Variants in LHFPL6 observed in about 807,000 individuals in gnomAD.
The protein encoded by LHFPL6 is LHFPL tetraspan subfamily member 6 protein.
A neutral mutation model predicts 20.6 loss-of-function variants in LHFPL6; 9 were observed. That is an observed-to-expected ratio of 0.44 (90% CI 0.26 to 0.76). The LOEUF (loss-of-function observed/expected upper bound fraction) is 0.76, where lower values mean the gene tolerates loss of function less well. Among genes scored for constraint, LHFPL6 ranks in the 30% least tolerant of loss-of-function variants. The pLI is 0.20. For missense variants in LHFPL6, 218 were observed against 253.5 expected (o/e 0.86, Z 0.95); for synonymous variants, 105 against 98.7 (o/e 1.06, Z -0.38).
At chr13:39,520,064 A>C (rs1403106173) in intron 2 of LHFPL6, among the ~76,000 whole-genome samples, 1 of 152,094 alleles carries the variant, frequency 6.6e-6, no homozygotes, top group Non-Finnish European at 1.5e-5. Flanking sequence ...GTTCTGATCC[A>C]CCCTCCATCT....
At chr13:39,472,026 G>A (rs576452457) in intron 2 of LHFPL6, among the ~76,000 whole-genome samples, 1 of 152,142 alleles carries the variant, frequency 6.6e-6, no homozygotes, top group African/African-American at 2.4e-5. Context: ...AAATACTCCA[G>A]ACAGGTATTC....
At chr13:39,382,259 T>C (rs1264822212) in intron 2 of LHFPL6, among the ~76,000 whole-genome samples, 2 of 152,230 alleles carry the variant, frequency 1.3e-5, no homozygotes, top group African/African-American at 2.4e-5. Flanking sequence ...GAACACTAGA[T>C]TGCCATCTTC....
chr13:39,352,081 T>G (rs779549545), intron 3 of LHFPL6, among the ~76,000 whole-genome samples: 1 of 152,234 alleles, frequency 6.6e-6, no homozygotes, highest in Non-Finnish European at 1.5e-5. Flanking sequence ...TTGCAAAGAC[T>G]TGACAGCCCC....
chr13:39,409,080 T>C (rs9576794), intron 2 of LHFPL6, among the ~76,000 whole-genome samples: 41,774 of 152,096 alleles, frequency 0.27, 6,072 homozygotes, highest in East Asian at 0.4. Flanking sequence ...CCTAAATCTA[T>C]GCGCCAAATG....
intron 2 of LHFPL6, among the ~76,000 whole-genome samples, chr13:39,420,091 A>C (rs1376202254): frequency 6.6e-6 from 1 of 152,158 alleles, no homozygotes. Context: ...CTAACAGGCA[A>C]GCCTCCTTCA....
At chr13:39,550,633 A>G (rs1362299465) in intron 2 of LHFPL6, among the ~76,000 whole-genome samples, 1 of 152,118 alleles carries the variant, frequency 6.6e-6, no homozygotes, top group East Asian at 1.9e-4. Flanking sequence ...TGTTTTGAAT[A>G]AACATAAGAG....
rs1311654915 is a variant in LHFPL6 at position 39,343,747 on chromosome 13, T to C, written c.*189A>G. 5.3e-6 allele frequency: 3 copies of C among 561,654 alleles called. No homozygotes were observed. Among genetic ancestry groups the C allele is most frequent in the Admixed American group, 3.1e-5 (1 of 31,992 alleles). The allele number at this position is 561,654 out of a possible 1,614,324, so 34.8% of individuals were successfully genotyped here. On this transcript the variant is annotated 3_prime_UTR_variant, in exon 4 of 4. Coordinates refer to ENST00000379589, the MANE Select transcript of LHFPL6 (RefSeq NM_005780.3). ...TTCTCCATCATTCTATACTCTCCTT[T>C]TTTTTCCCCCACAAATCTCCTACAA...
At chr13:39,398,164 G>A (rs755868907) in intron 2 of LHFPL6, among the ~76,000 whole-genome samples, 22 of 152,164 alleles carry the variant, frequency 1.4e-4, no homozygotes, top group African/African-American at 5.1e-4. Flanking sequence ...GAAGGACTTC[G>A]GAGGCAAACT....
intron 2 of LHFPL6, among the ~76,000 whole-genome samples, chr13:39,530,458 G>T (rs1870431414): frequency 6.6e-6 from 1 of 151,980 alleles, no homozygotes; most frequent in Non-Finnish European, 1.5e-5. Flanking sequence ...CTGGGTATGA[G>T]GAGACGTTCT....
intron 2 of LHFPL6, among the ~76,000 whole-genome samples, chr13:39,560,504 C>CTTTTTTTTT (rs376446144): frequency 6.8e-5 from 8 of 118,176 alleles, no homozygotes; most frequent in Non-Finnish European, 1.0e-4. Context: ...TGCAAATTCT[C>CTTTTTTTTT]TTTTTTTTTT....
chr13:39,456,438 G>A (rs766764667), intron 2 of LHFPL6, among the ~76,000 whole-genome samples: 1 of 152,160 alleles, frequency 6.6e-6, no homozygotes, highest in Non-Finnish European at 1.5e-5. Flanking sequence ...TTCCTGGCTT[G>A]AAGGAAATTA....
intron 3 of LHFPL6, 130 bp from the exon 4 acceptor site, chr13:39,344,184 T>A: frequency 1.6e-6 from 1 of 645,092 alleles, no homozygotes; most frequent in Middle Eastern, 2.8e-4. Context: ...TTAAATGGAA[T>A]AATAATGTGC....
chr13:39,411,552 T>C (rs546467043), intron 2 of LHFPL6, among the ~76,000 whole-genome samples: 1 of 152,310 alleles, frequency 6.6e-6, no homozygotes, highest in East Asian at 1.9e-4. Context: ...CCTGCCCTTA[T>C]AATAGTGTTG....
chr13:39,505,641 C>T (rs1869451915), intron 2 of LHFPL6, among the ~76,000 whole-genome samples: 1 of 152,122 alleles, frequency 6.6e-6, no homozygotes, highest in South Asian at 2.1e-4. Context: ...TCTGATATAA[C>T]TATCCAGTAA....
chr13:39,575,673 G>A (rs9566460), intron 2 of LHFPL6, among the ~76,000 whole-genome samples: 10,925 of 152,216 alleles, frequency 0.072, 516 homozygotes, highest in East Asian at 0.21. Context: ...GCAATTTGCC[G>A]GTCAAAAAGT....
At chr13:39,432,461 G>A (rs1460706395) in intron 2 of LHFPL6, among the ~76,000 whole-genome samples, 2 of 151,990 alleles carry the variant, frequency 1.3e-5, no homozygotes, top group African/African-American at 4.8e-5. Flanking sequence ...CTCATCCCTT[G>A]GCCTGAAATG....
At chr13:39,438,221 GC>G (rs1356417603) in intron 2 of LHFPL6, among the ~76,000 whole-genome samples, 1 of 152,178 alleles carries the variant, frequency 6.6e-6, no homozygotes, top group African/African-American at 2.4e-5. Flanking sequence ...GCTGCATTGT[GC>G]CCCTGCTCTA....
At chr13:39,541,505 C>T (rs894720004) in intron 2 of LHFPL6, among the ~76,000 whole-genome samples, 21 of 152,136 alleles carry the variant, frequency 1.4e-4, no homozygotes, top group African/African-American at 5.1e-4. Context: ...TCCCTACCTG[C>T]AGGCCTCATC....
At chr13:39,455,282 C>T (rs1006548800) in intron 2 of LHFPL6, among the ~76,000 whole-genome samples, 1 of 152,088 alleles carries the variant, frequency 6.6e-6, no homozygotes, top group African/African-American at 2.4e-5. Flanking sequence ...GCCGGGCCGG[C>T]GGCAACCCCT....
Sources: allele counts gnomAD v4.1 joint callset (sites outside exome capture counted in the v4.1 genomes callset), GRCh38; gene constraint gnomAD v4.1.1; transcripts MANE v1.5; gene names NCBI Gene and HGNC (gene_info 2026-07-23, HGNC 2026-07-21).